Variants in PIBF1 observed in about 807,000 individuals in gnomAD.
PIBF1 encodes the protein progesterone immunomodulatory binding factor 1, also known as progesterone-induced-blocking factor 1.
In PIBF1, 90 loss-of-function variants were observed where a neutral mutation model predicts 112.5. The observed-to-expected ratio is 0.80, with a 90% confidence interval of 0.67 to 0.95. The LOEUF is 0.95. Ranked by LOEUF, PIBF1 falls within the 40% of genes least tolerant of loss-of-function variation. PIBF1 has a pLI of 0.00. For missense variants in PIBF1, 915 were observed against 852.3 expected (o/e 1.07, Z -0.92); for synonymous variants, 301 against 288.6 (o/e 1.04, Z -0.44).
chr13:72,951,192 ATCTTCGGG>A (rs1232773275), intron 14 of PIBF1, among the ~76,000 whole-genome samples: 1 of 152,150 alleles, frequency 6.6e-6, no homozygotes, highest in African/African-American at 2.4e-5. Flanking sequence ...CACCTTATTT[ATCTTCGGG>A]TCGTAGGGGA....
At chr13:72,925,327 G>A (rs2041442300) in intron 13 of PIBF1, among the ~76,000 whole-genome samples, 1 of 152,022 alleles carries the variant, frequency 6.6e-6, no homozygotes, top group Admixed American at 6.6e-5. Flanking sequence ...GTATTGGTTG[G>A]GTTATGAAGA....
chr13:72,869,609 AG>A (rs2039073917), intron 10 of PIBF1, among the ~76,000 whole-genome samples: 1 of 142,262 alleles, frequency 7.0e-6, no homozygotes, highest in African/African-American at 2.5e-5. Flanking sequence ...TAAAACTTAA[AG>A]TATAATAATA....
chr13:72,813,321 C>T (rs1331998365), intron 5 of PIBF1, among the ~76,000 whole-genome samples: 1 of 152,116 alleles, frequency 6.6e-6, no homozygotes, highest in Admixed American at 6.5e-5. Flanking sequence ...TCAAAGTATC[C>T]CTCTCTCAGC....
At chr13:73,010,436 C>T (rs1270105059) in intron 17 of PIBF1, among the ~76,000 whole-genome samples, 6 of 151,770 alleles carry the variant, frequency 4.0e-5, no homozygotes, top group African/African-American at 1.5e-4. Context: ...AACCCCATCT[C>T]TATTAAAAAT....
At chr13:72,927,378 C>T (rs186513866) in intron 13 of PIBF1, among the ~76,000 whole-genome samples, 50 of 152,194 alleles carry the variant, frequency 3.3e-4, no homozygotes, top group African/African-American at 1.2e-3. Flanking sequence ...GTGGCGGGCA[C>T]CTGTGGTCCC....
intron 5 of PIBF1, among the ~76,000 whole-genome samples, chr13:72,804,665 A>T (rs1228005417): frequency 1.3e-5 from 2 of 152,194 alleles, no homozygotes; most frequent in Non-Finnish European, 2.9e-5. Context: ...GGTTGGGAGA[A>T]GGTCAGGGAG....
rs1470688672 is a variant in PIBF1 at position 72,835,211 on chromosome 13, A to T, written c.1098-32A>T. ...CAAAAGCCTATTTGTTTCAAAAGAA[A>T]ATTTATGGTTGTTCCTTTTCACTCC... On this transcript the variant is annotated intron_variant, in intron 8 of 17. Coordinates refer to ENST00000326291, the MANE Select transcript of PIBF1 (RefSeq NM_006346.4). 5 of 1,502,268 alleles carry T rather than the reference A, an allele frequency of 3.3e-6. No individual in the cohort carries two copies. The African/African-American group carries it at 4.3e-5, about 13-fold the overall frequency. The allele number at this position is 1,502,268 out of a possible 1,614,324, so 93.1% of individuals were successfully genotyped here.
At position 72,933,903 on chromosome 13, in the gene PIBF1, G is replaced by A. The variant is rs2041785999; in HGVS notation, c.1833+2636G>A. 2.6e-5 allele frequency among the ~76,000 whole-genome samples: 4 copies of A among 152,096 alleles called. No individual in the cohort carries two copies. The South Asian group carries it at 8.3e-4, about 32-fold the overall frequency. ...ATATTTCATGAGAAAAGGAGGAAGG[G>A]CTTAACAAATAAAACAAGAATCACA... On this transcript the variant is annotated intron_variant, in intron 14 of 17. Coordinates refer to ENST00000326291, the MANE Select transcript of PIBF1 (RefSeq NM_006346.4).
At chr13:72,911,203 G>T (rs2040881236) in intron 12 of PIBF1, among the ~76,000 whole-genome samples, 1 of 151,954 alleles carries the variant, frequency 6.6e-6, no homozygotes, top group African/African-American at 2.4e-5. Flanking sequence ...ACAAAAAAAA[G>T]AACAAATTGG....
At chr13:72,978,626 A>T (rs1162612706) in intron 16 of PIBF1, among the ~76,000 whole-genome samples, 1 of 152,130 alleles carries the variant, frequency 6.6e-6, no homozygotes, top group Non-Finnish European at 1.5e-5. Context: ...TGAATATCTT[A>T]TCCAGGTGTT....
intron 14 of PIBF1, among the ~76,000 whole-genome samples, chr13:72,937,282 T>G (rs1431752769): frequency 1.3e-5 from 2 of 152,210 alleles, no homozygotes; most frequent in Admixed American, 1.3e-4. Context: ...TTTATTTCAT[T>G]TTATCTTATT....
rs2041128231 is a variant in PIBF1, at chr13:72,917,072, C to A, written c.1640-4C>A. ...TTCACATTATACACTTTAATATTTT[C>A]CAGTTGAAAATGAAGATGAGGCTGA... is the stretch of plus-strand genomic sequence containing the variant. On this transcript the variant is annotated splice_region_variant and splice_polypyrimidine_tract_variant and intron_variant, in intron 12 of 17. Transcript: ENST00000326291. 1.3e-6 allele frequency: 2 copies of A among 1,555,646 alleles called. No homozygotes were observed. The highest frequency in any genetic ancestry group is 1.7e-6 in the Non-Finnish European group (2 of 1,143,214).
chr13:72,952,599 G>T (rs1187848557), intron 14 of PIBF1, among the ~76,000 whole-genome samples: 1 of 149,362 alleles, frequency 6.7e-6, no homozygotes, highest in African/African-American at 2.5e-5. Context: ...GTCTACCCCA[G>T]TGAGAAGGAA....
At chr13:72,857,084 A>G (rs770793580) in intron 10 of PIBF1, among the ~76,000 whole-genome samples, 5 of 152,172 alleles carry the variant, frequency 3.3e-5, no homozygotes, top group Non-Finnish European at 5.9e-5. Flanking sequence ...TACCAAAAAT[A>G]TTTTTTTGAA....
At position 73,015,909 on chromosome 13, in the gene PIBF1, T is replaced by G; in HGVS notation, c.2264T>G (p.Met755Arg). Reference protein sequence around the residue: ...EAPEWSKKQKMKT With the variant: ...EAPEWSKKQKRKT ...CCTGAGTGGTCTAAGAAACAAAAGA[T>G]GAAGACCTAGTGTTTTGGATGGGAA... The change falls in exon 18 of 18, where the codon ATG becomes AGG. Residue 755 changes from methionine to arginine, a missense_variant. Met to Arg is a moderately conservative substitution (Grantham distance 91). Coordinates refer to ENST00000326291, the MANE Select transcript of PIBF1 (RefSeq NM_006346.4). 1 of 1,588,944 alleles carries G rather than the reference T, an allele frequency of 6.3e-7. No homozygotes were observed.
chr13:72,791,216 G>C (rs1055722552), intron 2 of PIBF1, among the ~76,000 whole-genome samples: 2 of 151,860 alleles, frequency 1.3e-5, no homozygotes, highest in African/African-American at 4.8e-5. Context: ...CACCACACCC[G>C]GCTAATTTTT....
intron 2 of PIBF1, 50 bp downstream of exon 2, chr13:72,783,771 C>A: frequency 6.6e-7 from 1 of 1,512,842 alleles, no homozygotes; most frequent in Non-Finnish European, 9.1e-7. Flanking sequence ...TGTCTTCAAA[C>A]GGCAGGTAAA....
At chr13:72,859,514 A>G (rs538341462) in intron 10 of PIBF1, among the ~76,000 whole-genome samples, 1 of 152,306 alleles carries the variant, frequency 6.6e-6, no homozygotes, top group Admixed American at 6.5e-5. Context: ...CAGTGATTTC[A>G]GGAAAAATTA....
intron 13 of PIBF1, among the ~76,000 whole-genome samples, chr13:72,927,831 G>T (rs915593482): frequency 2.7e-5 from 4 of 149,352 alleles, no homozygotes; most frequent in Non-Finnish European, 5.9e-5. Context: ...TTTAATGAAA[G>T]ATTTTATATT....
Sources: gnomAD v4.1 joint callset for allele counts (sites outside exome capture counted in the v4.1 genomes callset) on GRCh38, gnomAD v4.1.1 for gene constraint, MANE v1.5 for transcripts, NCBI Gene and HGNC (gene_info 2026-07-23, HGNC 2026-07-21) for gene names.